Variants in TMEM132D observed in about 807,000 individuals in gnomAD.
TMEM132D encodes transmembrane protein 132D, also known as mature OL transmembrane protein.
A neutral mutation model predicts 62.3 loss-of-function variants in TMEM132D; 21 were observed. That is an observed-to-expected ratio of 0.34 (90% confidence interval 0.24 to 0.49). The LOEUF (loss-of-function observed/expected upper bound fraction) is 0.49, where lower values mean the gene tolerates loss of function less well. Ranked by LOEUF, TMEM132D falls within the 20% of genes least tolerant of loss-of-function variation. TMEM132D has a pLI of 0.99. For missense variants in TMEM132D, 1,346 were observed against 1,402.8 expected (o/e 0.96, Z 0.65); for synonymous variants, 621 against 575.6 (o/e 1.08, Z -1.13).
intron 2 of TMEM132D, among the ~76,000 whole-genome samples, chr12:129,585,243 A>G (rs775376593): frequency 2.0e-5 from 3 of 152,240 alleles, no homozygotes; most frequent in Non-Finnish European, 4.4e-5. Flanking sequence ...GGAAAAAGCC[A>G]AGAGTGTTAC....
chr12:129,353,995 T>C (rs1045097549), intron 3 of TMEM132D, among the ~76,000 whole-genome samples: 2 of 152,076 alleles, frequency 1.3e-5, no homozygotes, highest in East Asian at 3.9e-4. Flanking sequence ...CCTTTGTGCA[T>C]GGGACTCAAA....
chr12:129,244,406 A>AAAAAAC (rs1555240904), intron 4 of TMEM132D, among the ~76,000 whole-genome samples: 3 of 146,310 alleles, frequency 2.1e-5, no homozygotes, highest in African/African-American at 7.6e-5. Flanking sequence ...AAAAAAAAAA[A>AAAAAAC]AAACAAACAA....
At chr12:129,246,130 G>A (rs1037258376) in intron 4 of TMEM132D, among the ~76,000 whole-genome samples, 19 of 151,846 alleles carry the variant, frequency 1.3e-4, no homozygotes, top group African/African-American at 2.2e-4. Flanking sequence ...CACATCCACC[G>A]AAAGTTATGC....
At chr12:129,893,569 T>C (rs1875003636) in intron 1 of TMEM132D, among the ~76,000 whole-genome samples, 1 of 152,120 alleles carries the variant, frequency 6.6e-6, no homozygotes, top group Non-Finnish European at 1.5e-5. Context: ...GTCAAACTCA[T>C]GGAGTTTCTT....
Position 129,415,402 on chromosome 12 carries a change from A to G in TMEM132D, c.1116-77585T>C, listed in dbSNP as rs557098346. Among the ~76,000 whole-genome samples, 4 of 152,220 alleles carry G rather than the reference A, an allele frequency of 2.6e-5. No homozygotes were observed. The South Asian group carries it at 8.3e-4, about 32-fold the overall frequency. ...AGGGGCTATCTCATAGTAGATTGGT[A>G]TACGGGCCATTTTTGATAGAAAAAT... On this transcript the variant is annotated intron_variant, in intron 3 of 8. Coordinates refer to ENST00000422113, the MANE Select transcript of TMEM132D (RefSeq NM_133448.3).
intron 3 of TMEM132D, among the ~76,000 whole-genome samples, chr12:129,491,961 T>A (rs1269465268): frequency 3.3e-5 from 5 of 152,010 alleles, no homozygotes; most frequent in Non-Finnish European, 7.4e-5. Flanking sequence ...AAATTGCTTA[T>A]TGGAAAGCTA....
chr12:129,476,062 T>C (rs2137050185), intron 3 of TMEM132D, among the ~76,000 whole-genome samples: 1 of 152,322 alleles, frequency 6.6e-6, no homozygotes, highest in African/African-American at 2.4e-5. Flanking sequence ...AGCAGGACTG[T>C]GCTTTCTGTT....
rs985432073 is a variant in TMEM132D at position 129,780,126 on chromosome 12, T to G, written c.80-79428A>C. ...ACCCACCCGCAAAGGGGCATTCAGA[T>G]GTGTCTCGCCCAAACCATCCAAGCC... On this transcript the variant is annotated intron_variant, in intron 1 of 8. Transcript: ENST00000422113. Among the ~76,000 whole-genome samples the G allele has an allele frequency of 3.9e-5, 6 of 152,208 alleles. No individual in the cohort carries two copies. In the East Asian group the frequency reaches 1.2e-3, roughly 30 times the overall value.
chr12:129,656,422 G>C (rs1339850861), intron 2 of TMEM132D, among the ~76,000 whole-genome samples: 1 of 152,154 alleles, frequency 6.6e-6, no homozygotes, highest in Non-Finnish European at 1.5e-5. Context: ...TATAACAGCT[G>C]AACTCAAGGG....
rs145418463 is a variant in TMEM132D at position 129,238,661 on chromosome 12, CTTATTT to C, written c.1300-29004_1300-28999del. On this transcript the variant is annotated intron_variant, in intron 4 of 8. Coordinates refer to ENST00000422113, the MANE Select transcript of TMEM132D (RefSeq NM_133448.3). ...ATATTGTAGCATATGTCCAAATTTCCTTATTTTTAAGGCTGGATGATATTCCACTCT... is the reference window on the plus strand; with the variant it reads ...ATATTGTAGCATATGTCCAAATTTCCTTAAGGCTGGATGATATTCCACTCT... Among the ~76,000 whole-genome samples the C allele has an allele frequency of 9.5e-3, 1,451 of 152,312 alleles. 21 individuals carry two copies. Among genetic ancestry groups the C allele is most frequent in the African/African-American group, 0.033 (1,373 of 41,560 alleles).
intron 2 of TMEM132D, among the ~76,000 whole-genome samples, chr12:129,636,894 G>A (rs996657831): frequency 2.0e-5 from 3 of 151,926 alleles, no homozygotes; most frequent in Admixed American, 6.6e-5. Flanking sequence ...GACTAATGTG[G>A]ACCAGTTACA....
At chr12:129,590,932 G>A (rs1878168903) in intron 2 of TMEM132D, among the ~76,000 whole-genome samples, 1 of 152,088 alleles carries the variant, frequency 6.6e-6, no homozygotes, top group Non-Finnish European at 1.5e-5. Context: ...CTTCATCTAT[G>A]CAAAAGAGAA....
intron 1 of TMEM132D, among the ~76,000 whole-genome samples, chr12:129,798,009 T>C (rs953281917): frequency 1.3e-5 from 2 of 152,180 alleles, no homozygotes; most frequent in African/African-American, 2.4e-5. Flanking sequence ...ATCCTCAAAA[T>C]AGTGAATGAT....
intron 1 of TMEM132D, among the ~76,000 whole-genome samples, chr12:129,746,718 T>C (rs1869790782): frequency 6.6e-6 from 1 of 152,126 alleles, no homozygotes; most frequent in Admixed American, 6.5e-5. Flanking sequence ...TAAAACCTTT[T>C]ATACCCTACA....
chr12:129,842,211 G>A (rs1873219877), intron 1 of TMEM132D, among the ~76,000 whole-genome samples: 1 of 148,146 alleles, frequency 6.8e-6, no homozygotes, highest in Non-Finnish European at 1.5e-5. Context: ...GCCTCCCAAA[G>A]TGCTGGGATG....
At chr12:129,531,727 G>C (rs921161089) in intron 2 of TMEM132D, among the ~76,000 whole-genome samples, 1 of 152,176 alleles carries the variant, frequency 6.6e-6, no homozygotes, top group Non-Finnish European at 1.5e-5. Context: ...GAACAATGAT[G>C]GCCTCAAGTG....
intron 1 of TMEM132D, among the ~76,000 whole-genome samples, chr12:129,709,650 C>G (rs1881593511): frequency 1.3e-5 from 2 of 152,194 alleles, no homozygotes; most frequent in Non-Finnish European, 2.9e-5. Flanking sequence ...GCCTCCAAAG[C>G]TCTCTAATGC....
At chr12:129,747,127 C>T (rs187638945) in intron 1 of TMEM132D, among the ~76,000 whole-genome samples, 1 of 138,016 alleles carries the variant, frequency 7.2e-6, no homozygotes, top group Non-Finnish European at 1.6e-5. Context: ...GTCCTCATAA[C>T]CGCCCACAAG....
intron 5 of TMEM132D, among the ~76,000 whole-genome samples, chr12:129,126,320 C>T (rs1011613349): frequency 6.6e-6 from 1 of 151,482 alleles, no homozygotes; most frequent in Non-Finnish European, 1.5e-5. Flanking sequence ...TGTCACCTTG[C>T]AGCTATCACT....
Sources: gnomAD v4.1 joint callset for allele counts (sites outside exome capture counted in the v4.1 genomes callset) on GRCh38, gnomAD v4.1.1 for gene constraint, MANE v1.5 for transcripts, NCBI Gene and HGNC (gene_info 2026-07-23, HGNC 2026-07-21) for gene names.